The following MAPK13 variants were observed in gnomAD, a reference collection of about 807,000 sequenced individuals.
MAPK13 encodes mitogen-activated protein kinase 13.
In MAPK13, 39 loss-of-function variants were observed where a neutral mutation model predicts 53.5. The ratio of observed to expected loss-of-function variants is 0.73; its 90% CI spans 0.56 to 0.95. The LOEUF (loss-of-function observed/expected upper bound fraction) is 0.95. MAPK13 is among the 40% of genes least tolerant of loss of function. The pLI is 0.00. For synonymous variants in MAPK13, 179 were observed against 190.9 expected, an observed-to-expected ratio of 0.94 and a Z score of 0.51; for missense variants, 460 against 471.8, an observed-to-expected ratio of 0.98 and a Z score of 0.23.
chr6:36,132,016 G>A (rs776842567), intron 2 of MAPK13, among the ~76,000 whole-genome samples: 13 of 152,246 alleles, frequency 8.5e-5, no homozygotes, highest in Non-Finnish European at 1.9e-4. Context: ...CCAGCTCAGG[G>A]CCTGGCAGCC....
chr6:36,137,800 A>C (rs1461509362), intron 8 of MAPK13, among the ~76,000 whole-genome samples: 1 of 151,486 alleles, frequency 6.6e-6, no homozygotes, highest in African/African-American at 2.4e-5. Flanking sequence ...ATCTCTACCA[A>C]AAAATACAAA....
In MAPK13 at chr6:36,138,736, C is replaced by T. The variant is rs1766469380; in HGVS notation, c.797C>T (p.Pro266Leu). Reference sequence around the variant, plus strand: ...TACATCCAGTCCCTGCCACAGACCCCCAGGAAGGATTTCACTCAGCTGTTC... The same window carrying T: ...TACATCCAGTCCCTGCCACAGACCCTCAGGAAGGATTTCACTCAGCTGTTC... ...KSYIQSLPQT[P>L]RKDFTQLFPR... Residue 266 changes from proline to leucine, a missense_variant, in exon 10 of 12, where the codon CCC becomes CTC. Transcript: ENST00000211287. 8 of 1,614,076 alleles carry T rather than the reference C, an allele frequency of 5.0e-6. No individual in the cohort carries two copies. Among genetic ancestry groups the T allele is most frequent in the Non-Finnish European group, 6.8e-6 (8 of 1,180,034 alleles).
intron 3 of MAPK13, 28 bp downstream of exon 3, chr6:36,132,707 G>A: frequency 6.2e-7 from 1 of 1,613,498 alleles, no homozygotes; most frequent in Non-Finnish European, 8.5e-7. Context: ...GGGTTCTGGG[G>A]CATTTGCAGG....
chr6:36,140,283 G>C lies in MAPK13; in HGVS notation c.*910G>C, dbSNP rs1766509357. Reference sequence around the variant, plus strand: ...GATATGAAACAACAGCAGGCTCGGAGACTGCGAGCTGCACAGGCAGAAATG... The same window carrying C: ...GATATGAAACAACAGCAGGCTCGGACACTGCGAGCTGCACAGGCAGAAATG... On this transcript the variant is annotated 3_prime_UTR_variant, in exon 12 of 12. Coordinates refer to ENST00000211287, the MANE Select transcript of MAPK13 (RefSeq NM_002754.5). The C allele has an allele frequency of 6.5e-6, 1 of 152,676 alleles. No individual in the cohort carries two copies. The highest frequency in any genetic ancestry group is 1.5e-5 in the Non-Finnish European group (1 of 68,078). 9.5% of individuals were successfully genotyped at this position (152,676 alleles called of 1,614,324 possible).
intron 3 of MAPK13, among the ~76,000 whole-genome samples, chr6:36,135,001 C>A (rs1368013521): frequency 6.6e-6 from 1 of 152,108 alleles, no homozygotes; most frequent in Admixed American, 6.5e-5. Context: ...GGCGACAGAG[C>A]AAGACTCCAT....
chr6:36,140,664 T>C lies in MAPK13; in HGVS notation c.*1291T>C, dbSNP rs1312012801. 7.9e-5 allele frequency: 12 copies of C among 152,672 alleles called. No homozygotes were observed. The highest frequency in any genetic ancestry group is 7.9e-4 in the Admixed American group (12 of 15,280). The allele number at this position is 152,672 out of a possible 1,614,324, so 9.5% of individuals were successfully genotyped here. A position where few individuals can be genotyped will look rare whatever the true frequency, so the allele number is the denominator to read the frequency against. ...CGAGACATTTAGTGGATTTCAGTCATACTTGATTTGTTGGGAGGCCTAAAT... is the reference window on the plus strand; with the variant it reads ...CGAGACATTTAGTGGATTTCAGTCACACTTGATTTGTTGGGAGGCCTAAAT... On this transcript the variant is annotated 3_prime_UTR_variant, in exon 12 of 12. Coordinates refer to ENST00000211287, the MANE Select transcript of MAPK13 (RefSeq NM_002754.5).
At position 36,140,371 on chromosome 6, in the gene MAPK13, G is replaced by A; in HGVS notation, c.*998G>A. ...CTTTGGGAGATGGCACAGCTCTCCA[G>A]AGCTTTGACCTGACAGTGGCTAGAA... On this transcript the variant is annotated 3_prime_UTR_variant, in exon 12 of 12. Coordinates refer to ENST00000211287, the MANE Select transcript of MAPK13 (RefSeq NM_002754.5). 1 of 152,976 alleles carries A rather than the reference G, an allele frequency of 6.5e-6. No homozygotes were observed. The allele number at this position is 152,976 out of a possible 1,614,324, so 9.5% of individuals were successfully genotyped here. A position where few individuals can be genotyped will look rare whatever the true frequency, so the allele number is the denominator to read the frequency against.
chr6:36,138,941 GC>G lies in MAPK13; in HGVS notation c.907del (p.Leu303SerfsTer26). On this transcript the variant is annotated frameshift_variant, in exon 11 of 12. Transcript: ENST00000211287. LOFTEE classifies it high-confidence loss of function. ...DVDKRLTAAQALTHPFFEPFR... is the reference protein window; with the variant it reads ...DVDKRLTAAQXLTHPFFEPFR... ...GGACAAGCGCCTGACGGCCGCGCAGGCCCTCACCCATCCCTTCTTTGAACCC... is the reference window on the plus strand; with the variant it reads ...GGACAAGCGCCTGACGGCCGCGCAGGCCTCACCCATCCCTTCTTTGAACCC... 6.2e-7 allele frequency: 1 copy of G among 1,613,556 alleles called. No homozygotes were observed. The highest frequency in any genetic ancestry group is 2.2e-5 in the East Asian group (1 of 44,874).
Position 36,139,328 on chromosome 6 carries a change from C to T in MAPK13, c.1053C>T (p.Pro351=). ...ACAAGGAGATTGTGAACTTCAGCCC[C>T]ATTGCCCGGAAGGACTCACGGCGCC... is the stretch of plus-strand genomic sequence containing the variant. ...HIYKEIVNFS[P]IARKDSRRRS... The change falls in exon 12 of 12, where the codon CCC becomes CCT. Residue 351 remains proline, a synonymous_variant. Coordinates refer to ENST00000211287, the MANE Select transcript of MAPK13 (RefSeq NM_002754.5). 1 of 1,614,160 alleles carries T rather than the reference C, an allele frequency of 6.2e-7. No homozygotes were observed. Among genetic ancestry groups the T allele is most frequent in the Non-Finnish European group, 8.5e-7 (1 of 1,180,040 alleles).
At position 36,136,006 on chromosome 6, in the gene MAPK13, C is replaced by T. The variant is rs1766410190; in HGVS notation, c.418-13C>T. On this transcript the variant is annotated splice_polypyrimidine_tract_variant and intron_variant, in intron 4 of 11. Coordinates refer to ENST00000211287, the MANE Select transcript of MAPK13 (RefSeq NM_002754.5). ...CTGGGCCATGGACTCACCCTTCTCT[C>T]TCTCCCACATAGTACATCCACTCTG... 1.2e-6 allele frequency: 2 copies of T among 1,614,120 alleles called. No homozygotes were observed. The highest frequency in any genetic ancestry group is 8.5e-7 in the Non-Finnish European group (1 of 1,180,004).
chr6:36,138,272 C>A, intron 8 of MAPK13, 93 bp from the exon 9 acceptor site: 1 of 919,972 alleles, frequency 1.1e-6, no homozygotes, highest in South Asian at 1.4e-5. Context: ...TGATCAGTTG[C>A]CATGGTGCCC....
intron 3 of MAPK13, 50 bp downstream of exon 3, chr6:36,132,729 G>A (rs143636949): frequency 1.6e-5 from 26 of 1,594,224 alleles, no homozygotes; most frequent in African/African-American, 5.4e-5. Flanking sequence ...CTTACATGCC[G>A]CTGGGGAGCA....
chr6:36,131,585 G>A (rs1766324831), intron 2 of MAPK13, among the ~76,000 whole-genome samples, 185 bp downstream of exon 2: 1 of 152,218 alleles, frequency 6.6e-6, no homozygotes, highest in Admixed American at 6.5e-5. Context: ...TCCAGGAAGA[G>A]GTCAAAGGGT....
Position 36,136,039 on chromosome 6 carries a change from C to T in MAPK13, c.438C>T (p.Val146=), listed in dbSNP as rs771949520. 3.7e-6 allele frequency: 6 copies of T among 1,614,070 alleles called. No homozygotes were observed. The highest frequency in any genetic ancestry group is 5.1e-6 in the Non-Finnish European group (6 of 1,180,008). The stretch of plus-strand genomic sequence containing the variant: ...CATAGTACATCCACTCTGCTGGGGT[C>T]GTGCACAGGGTGAGTGCTTTCTCTG... ...KGLKYIHSAG[V]VHRDLKPGNL... Residue 146 remains valine, a synonymous_variant, in exon 5 of 12, where the codon GTC becomes GTT. Transcript: ENST00000211287.
intron 2 of MAPK13, among the ~76,000 whole-genome samples, chr6:36,132,133 A>G (rs1170272732): frequency 6.6e-6 from 1 of 152,214 alleles, no homozygotes; most frequent in African/African-American, 2.4e-5. Context: ...CCCCTCCCCT[A>G]TGGCCTCCAG....
At chr6:36,131,202 G>T in intron 1 of MAPK13, 69 bp from the exon 2 acceptor site, 1 of 1,554,162 alleles carries the variant, frequency 6.4e-7, no homozygotes, top group Non-Finnish European at 8.7e-7. Context: ...CAGTGGGAGG[G>T]GTCAGGGCGG....
At position 36,130,693 on chromosome 6, in the gene MAPK13, C is replaced by T; in HGVS notation, c.111C>T (p.Gly37=). The T allele has an allele frequency of 6.9e-7, 1 of 1,440,114 alleles. No homozygotes were observed. The highest frequency in any genetic ancestry group is 9.5e-7 in the Non-Finnish European group (1 of 1,058,110). The allele number at this position is 1,440,114 out of a possible 1,614,324, so 89.2% of individuals were successfully genotyped here. ...SPTHVGSGAY[G]SVCSAIDKRS... ...CGCACGTCGGCAGCGGGGCCTATGG[C>T]TCCGTGTGGTGAGACCCCTGGGCCG... The change falls in exon 1 of 12, where the codon GGC becomes GGT. Residue 37 remains glycine, a synonymous_variant. Coordinates refer to ENST00000211287, the MANE Select transcript of MAPK13 (RefSeq NM_002754.5). This position sits in a 1 kb window ranked among gnomAD's most constrained non-coding sequence, Gnocchi z 4.5.
In MAPK13 at chr6:36,139,301, C is replaced by T. The variant is rs775083164; in HGVS notation, c.1026C>T (p.Ile342=). The change falls in exon 12 of 12, where the codon ATC becomes ATT. Residue 342 remains isoleucine, a synonymous_variant. Transcript: ENST00000211287. Reference sequence around the variant, plus strand: ...CCATGCTGCCTTTCTCAGAGCACATCTACAAGGAGATTGTGAACTTCAGCC... The same window carrying T: ...CCATGCTGCCTTTCTCAGAGCACATTTACAAGGAGATTGTGAACTTCAGCC... ...KLTVDEWKQH[I]YKEIVNFSPI... is the part of the protein sequence containing the mutation. 6.2e-7 allele frequency: 1 copy of T among 1,614,066 alleles called. No individual in the cohort carries two copies. Among genetic ancestry groups the T allele is most frequent in the Admixed American group, 1.7e-5 (1 of 60,016 alleles).
At chr6:36,134,344 A>C (rs1297935929) in intron 3 of MAPK13, among the ~76,000 whole-genome samples, 7 of 152,304 alleles carry the variant, frequency 4.6e-5, no homozygotes, top group South Asian at 2.1e-4. Context: ...ACAACAACAA[A>C]AAACACAACC....
Sources: allele counts gnomAD v4.1 joint callset (sites outside exome capture counted in the v4.1 genomes callset), GRCh38; gene constraint gnomAD v4.1.1; non-coding constraint Gnocchi (gnomAD v3.1); transcripts MANE v1.5; gene names NCBI Gene and HGNC (gene_info 2026-07-23, HGNC 2026-07-21).